ARMH3: variants seen among roughly 807,000 people sequenced by gnomAD.
ARMH3 encodes armadillo-like helical domain-containing protein 3.
Under a neutral mutation model 99.1 loss-of-function variants are expected in ARMH3, and 60 were observed. That is an observed-to-expected ratio of 0.61 (90% confidence interval 0.49 to 0.75). ARMH3 has a LOEUF of 0.75. Among genes scored for constraint, ARMH3 ranks in the 30% least tolerant of loss-of-function variants. ARMH3 has a pLI of 0.00. For missense variants in ARMH3, 679 were observed against 843.1 expected (o/e 0.81, Z 2.41); for synonymous variants, 285 against 292.8 (o/e 0.97, Z 0.27).
At chr10:102,029,828 G>T in intron 4 of ARMH3, 83 bp from the exon 5 acceptor site, 1 of 1,266,608 alleles carries the variant, frequency 7.9e-7, no homozygotes. Flanking sequence ...TCCTTACACA[G>T]CTGACACTGA....
At chr10:101,850,327 G>A (rs564001023) in intron 24 of ARMH3, among the ~76,000 whole-genome samples, 2 of 151,744 alleles carry the variant, frequency 1.3e-5, no homozygotes, top group East Asian at 3.9e-4. Context: ...TCGAACTCCT[G>A]ACCTCAGGTG....
Position 101,888,204 on chromosome 10 carries a change from T to C in ARMH3, c.1860+1208A>G, listed in dbSNP as rs184616857. On this transcript the variant is annotated intron_variant, in intron 24 of 25. Coordinates refer to ENST00000370033, the MANE Select transcript of ARMH3 (RefSeq NM_024541.3). ...ATGATATAGTAAAATTAATGTGAAC[T>C]AGTCCAACAAGAAAATGGTAGCATC... 3.9e-5 allele frequency among the ~76,000 whole-genome samples: 6 copies of C among 152,100 alleles called. No individual in the cohort carries two copies. The East Asian group carries it at 7.7e-4, about 20-fold the overall frequency.
At chr10:101,853,895 G>A (rs188027642) in intron 24 of ARMH3, among the ~76,000 whole-genome samples, 145 of 152,250 alleles carry the variant, frequency 9.5e-4, no homozygotes, top group Non-Finnish European at 1.5e-3. Flanking sequence ...CGGATGGATC[G>A]CGAGGTTAAG....
intron 23 of ARMH3, among the ~76,000 whole-genome samples, chr10:101,912,564 A>C (rs1842913485): frequency 6.6e-6 from 1 of 152,204 alleles, no homozygotes; most frequent in East Asian, 1.9e-4. Flanking sequence ...TATTCTAGTA[A>C]CTTGTAGACT....
intron 23 of ARMH3, among the ~76,000 whole-genome samples, chr10:101,900,825 A>C (rs566263225): frequency 1.3e-5 from 2 of 151,874 alleles, no homozygotes; most frequent in African/African-American, 4.8e-5. Flanking sequence ...TCTACAAAAA[A>C]TTTTTTTTAA....
chr10:102,013,545 T>C (rs1338621525), intron 9 of ARMH3, among the ~76,000 whole-genome samples: 1 of 152,196 alleles, frequency 6.6e-6, no homozygotes, highest in East Asian at 1.9e-4. Flanking sequence ...CTTTCAAGGA[T>C]ACATATAGTA....
intron 22 of ARMH3, among the ~76,000 whole-genome samples, chr10:101,953,809 A>G (rs546208900): frequency 2.0e-5 from 3 of 152,120 alleles, no homozygotes; most frequent in Non-Finnish European, 4.4e-5. Flanking sequence ...CATTTTGGAA[A>G]ACGGTTTGGC....
intron 23 of ARMH3, among the ~76,000 whole-genome samples, chr10:101,895,278 C>CTT (rs745819768): frequency 7.4e-4 from 97 of 131,696 alleles, no homozygotes; most frequent in African/African-American, 2.1e-3. Context: ...CGATAAAATT[C>CTT]TTTTTTTTTT....
chr10:101,997,378 G>A (rs188470892), intron 15 of ARMH3, among the ~76,000 whole-genome samples: 4,159 of 152,148 alleles, frequency 0.027, 103 homozygotes, highest in Middle Eastern at 0.048. Context: ...TGGATCACAA[G>A]GTCAGGAGAT....
At chr10:101,980,631 G>A (rs954017254) in intron 19 of ARMH3, among the ~76,000 whole-genome samples, 21 of 152,126 alleles carry the variant, frequency 1.4e-4, no homozygotes, top group Admixed American at 9.2e-4. Flanking sequence ...GCTATAACCC[G>A]AGACAAAGAA....
chr10:101,963,978 G>A (rs1039557138), intron 20 of ARMH3, among the ~76,000 whole-genome samples: 2 of 149,964 alleles, frequency 1.3e-5, no homozygotes, highest in African/African-American at 4.9e-5. Context: ...CCAGGTTCAC[G>A]CCATTCTCCT....
chr10:101,957,456 A>G (rs1845091376), intron 21 of ARMH3, among the ~76,000 whole-genome samples, 194 bp downstream of exon 21: 1 of 152,208 alleles, frequency 6.6e-6, no homozygotes, highest in Non-Finnish European at 1.5e-5. Flanking sequence ...CATGAAGGAA[A>G]GAGAGTCATG....
Position 101,911,760 on chromosome 10 carries a change from G to A in ARMH3, c.1782-22270C>T, listed in dbSNP as rs138809954. On this transcript the variant is annotated intron_variant, in intron 23 of 25. Coordinates refer to ENST00000370033, the MANE Select transcript of ARMH3 (RefSeq NM_024541.3). ...AAAACATAAAAAAGACATGGGGCCA[G>A]GCACAGTGGCTCACGCCTGTAATCC... Among the ~76,000 whole-genome samples, 766 of 152,340 alleles carry A rather than the reference G, an allele frequency of 5.0e-3. 5 individuals carry two copies. Among genetic ancestry groups the A allele is most frequent in the African/African-American group, 0.018 (732 of 41,578 alleles).
intron 2 of ARMH3, among the ~76,000 whole-genome samples, chr10:102,038,711 G>A (rs1332040721): frequency 6.6e-6 from 1 of 151,656 alleles, no homozygotes; most frequent in Non-Finnish European, 1.5e-5. Context: ...AATGCTCCAG[G>A]CACATAATAG....
Position 101,904,641 on chromosome 10 carries a change from A to G in ARMH3, c.1782-15151T>C, listed in dbSNP as rs1032835405. On this transcript the variant is annotated intron_variant, in intron 23 of 25. Coordinates refer to ENST00000370033, the MANE Select transcript of ARMH3 (RefSeq NM_024541.3). ...GGAATTGGAAGTCAGTAAATTCTAC[A>G]GTGTTGGGATTAAAAAAAAAAAACT... is the stretch of plus-strand genomic sequence containing the variant. Among the ~76,000 whole-genome samples the G allele has an allele frequency of 9.9e-5, 15 of 151,926 alleles. No homozygotes were observed. The South Asian group carries it at 3.1e-3, about 32-fold the overall frequency.
chr10:101,975,549 G>C (rs1845957445), intron 19 of ARMH3, among the ~76,000 whole-genome samples: 4 of 152,048 alleles, frequency 2.6e-5, no homozygotes, highest in Non-Finnish European at 4.4e-5. Flanking sequence ...TGGCCAACAT[G>C]GCAAAACCCC....
intron 23 of ARMH3, among the ~76,000 whole-genome samples, chr10:101,931,860 C>T (rs1172634326): frequency 2.0e-5 from 3 of 152,270 alleles, no homozygotes; most frequent in Non-Finnish European, 4.4e-5. Context: ...GCAATGATTT[C>T]TTGGATGTGA....
At chr10:101,985,217 T>C (rs557082686) in intron 19 of ARMH3, among the ~76,000 whole-genome samples, 6 of 148,920 alleles carry the variant, frequency 4.0e-5, no homozygotes, top group South Asian at 2.1e-4. Flanking sequence ...TATATATGTA[T>C]ATATATACGT....
chr10:101,963,143 ATTTTTTTTT>A (rs11455511), intron 20 of ARMH3, among the ~76,000 whole-genome samples: 1 of 112,238 alleles, frequency 8.9e-6, no homozygotes. Context: ...ATAATTTTGC[ATTTTTTTTT>A]TTTTTTTTGA....
Sources: gnomAD v4.1 joint callset for allele counts (sites outside exome capture counted in the v4.1 genomes callset) on GRCh38, gnomAD v4.1.1 for gene constraint, MANE v1.5 for transcripts, NCBI Gene and HGNC (gene_info 2026-07-23, HGNC 2026-07-21) for gene names.